NIPAL3: variants seen among roughly 807,000 people sequenced by gnomAD.
The protein encoded by NIPAL3 is NIPA-like protein 3.
NIPAL3 carries 41 observed loss-of-function variants against 47.2 expected under a neutral mutation model. The observed-to-expected ratio is 0.87, with a 90% CI of 0.68 to 1.13. The LOEUF (loss-of-function observed/expected upper bound fraction) is 1.13, where lower values mean the gene tolerates loss of function less well. NIPAL3 is among the 50% of genes most tolerant of loss of function. NIPAL3 has a pLI of 0.00. For synonymous variants in NIPAL3, 194 were observed against 209.6 expected, an observed-to-expected ratio of 0.93 and a Z score of 0.64; for missense variants, 449 against 530.1, an observed-to-expected ratio of 0.85 and a Z score of 1.50.
chr1:24,468,993 G>T lies in NIPAL3; in HGVS notation c.1029G>T (p.Gln343His), dbSNP rs1380101043. The change falls in exon 12 of 12, where the codon CAG becomes CAT. Residue 343 changes from glutamine to histidine, a missense_variant. Gln to His is a conservative substitution (Grantham distance 24). Coordinates refer to ENST00000374399, the MANE Select transcript of NIPAL3 (RefSeq NM_020448.5). ...YISMDAMPGM[Q>H]NMHDKGMTVQ... Reference sequence around the variant, plus strand: ...AAATGGATTTCATTTCAGGTATGCAGAACATGCACGATAAAGGGATGACTG... The same window carrying T: ...AAATGGATTTCATTTCAGGTATGCATAACATGCACGATAAAGGGATGACTG... 6.2e-7 allele frequency: 1 copy of T among 1,614,140 alleles called. No individual in the cohort carries two copies. The highest frequency in any genetic ancestry group is 1.1e-5 in the South Asian group (1 of 91,068).
At chr1:24,459,970 C>T (rs1184108305) in intron 9 of NIPAL3, among the ~76,000 whole-genome samples, 4 of 152,190 alleles carry the variant, frequency 2.6e-5, no homozygotes, top group African/African-American at 7.2e-5. Flanking sequence ...CACTCCCATA[C>T]CACAGGAGTA....
chr1:24,442,367 C>A, intron 4 of NIPAL3, 141 bp downstream of exon 4: 1 of 821,514 alleles, frequency 1.2e-6, no homozygotes, highest in Non-Finnish European at 1.8e-6. Context: ...GCTTCAGACA[C>A]ACCAGGCCCT....
In NIPAL3 at chr1:24,454,114, C is replaced by T. The variant is rs1219439879; in HGVS notation, c.637+610C>T. ...CAATCTTAGCTCTCTGCAGCCTTGA[C>T]CTCCTGGCCTCAAGTGATCCCCCTG... On this transcript the variant is annotated intron_variant, in intron 7 of 11. Transcript: ENST00000374399. The surrounding 1 kb of genome is among the most constrained non-coding windows in gnomAD (Gnocchi z 4.1). The T allele has an allele frequency of 8.9e-7, 1 of 1,121,204 alleles. No homozygotes were observed. Among genetic ancestry groups the T allele is most frequent in the Middle Eastern group, 2.5e-4 (1 of 4,078 alleles). 69.5% of individuals were successfully genotyped at this position (1,121,204 alleles called of 1,614,324 possible). A position where few individuals can be genotyped will look rare whatever the true frequency, so the allele number is the denominator to read the frequency against.
chr1:24,431,337 A>G (rs932916470), intron 2 of NIPAL3, among the ~76,000 whole-genome samples: 1 of 152,208 alleles, frequency 6.6e-6, no homozygotes, highest in African/African-American at 2.4e-5. Flanking sequence ...TCAAACGGGA[A>G]AAAACTGCCG....
In NIPAL3 at chr1:24,451,022, C is replaced by G. The variant is rs1178532841; in HGVS notation, c.540+1396C>G. Among the ~76,000 whole-genome samples the G allele has an allele frequency of 6.6e-6, 1 of 152,248 alleles. No individual in the cohort carries two copies. The highest frequency in any genetic ancestry group is 1.5e-5 in the Non-Finnish European group (1 of 68,042). On this transcript the variant is annotated intron_variant, in intron 6 of 11. Coordinates refer to ENST00000374399, the MANE Select transcript of NIPAL3 (RefSeq NM_020448.5). This position sits in a 1 kb window ranked among gnomAD's most constrained non-coding sequence, Gnocchi z 4.5. ...CTCAGAGGATTGAAGCCCAAGACTTCCTAAGTGCTGTGTGGCCTTAGCCAA... is the reference window on the plus strand; with the variant it reads ...CTCAGAGGATTGAAGCCCAAGACTTGCTAAGTGCTGTGTGGCCTTAGCCAA...
chr1:24,454,075 G>A lies in NIPAL3; in HGVS notation c.637+571G>A. On this transcript the variant is annotated intron_variant, in intron 7 of 11. Coordinates refer to ENST00000374399, the MANE Select transcript of NIPAL3 (RefSeq NM_020448.5). This position sits in a 1 kb window ranked among gnomAD's most constrained non-coding sequence, Gnocchi z 4.1. The stretch of plus-strand genomic sequence containing the variant: ...ACAGTCTTGCTCTGTCACCCAGGCT[G>A]GAGTGCAGTGGTACAATCTTAGCTC... The A allele has an allele frequency of 1.5e-6, 1 of 660,036 alleles. No individual in the cohort carries two copies. Among genetic ancestry groups the A allele is most frequent in the South Asian group, 1.5e-5 (1 of 67,214 alleles). The allele number at this position is 660,036 out of a possible 1,614,324, so 40.9% of individuals were successfully genotyped here. A position where few individuals can be genotyped will look rare whatever the true frequency, so the allele number is the denominator to read the frequency against.
upstream of NIPAL3, chr1:24,415,382 T>G (rs559487095): frequency 1.3e-5 from 2 of 152,142 alleles, no homozygotes; most frequent in South Asian, 4.2e-4. Flanking sequence ...GAATACTTGG[T>G]GAGAGCGTCG....
rs759231532 is a variant in NIPAL3 at position 24,471,797 on chromosome 1, G to C, written c.*2612G>C. On this transcript the variant is annotated 3_prime_UTR_variant, in exon 12 of 12. Transcript: ENST00000374399. Reference sequence around the variant, plus strand: ...TAAGTTACCTTCTCCGAGCCTGCAAGAACAAAAAACAAAAAGCAGAAATTA... The same window carrying C: ...TAAGTTACCTTCTCCGAGCCTGCAACAACAAAAAACAAAAAGCAGAAATTA... The C allele has an allele frequency of 1.3e-5, 2 of 151,924 alleles. No individual in the cohort carries two copies. Among genetic ancestry groups the C allele is most frequent in the Non-Finnish European group, 1.5e-5 (1 of 67,990 alleles). 9.4% of individuals were successfully genotyped at this position (151,924 alleles called of 1,614,324 possible). A position where few individuals can be genotyped will look rare whatever the true frequency, so the allele number is the denominator to read the frequency against.
At chr1:24,437,618 C>T (rs995722221) in intron 2 of NIPAL3, among the ~76,000 whole-genome samples, 1 of 150,232 alleles carries the variant, frequency 6.7e-6, no homozygotes, top group Admixed American at 6.6e-5. Flanking sequence ...AGGATGGCCC[C>T]AGGGTCCTGA....
intron 10 of NIPAL3, among the ~76,000 whole-genome samples, chr1:24,461,625 G>T (rs1646476522): frequency 6.6e-6 from 1 of 151,868 alleles, no homozygotes; most frequent in Non-Finnish European, 1.5e-5. Flanking sequence ...CCAGCACTTT[G>T]GGAGGCTGAG....
intron 2 of NIPAL3, among the ~76,000 whole-genome samples, chr1:24,439,741 G>T (rs183737718): frequency 1.0e-3 from 158 of 152,316 alleles, no homozygotes; most frequent in African/African-American, 3.7e-3. Context: ...AATGCCCTAA[G>T]CAAGTGAGCC....
At chr1:24,446,437 C>T (rs1314743607) in intron 5 of NIPAL3, among the ~76,000 whole-genome samples, 1 of 151,906 alleles carries the variant, frequency 6.6e-6, no homozygotes, top group Non-Finnish European at 1.5e-5. Flanking sequence ...AACCCCCACC[C>T]TCCAACAAGC....
chr1:24,457,124 C>T (rs1055010267), intron 8 of NIPAL3, among the ~76,000 whole-genome samples: 22 of 152,110 alleles, frequency 1.4e-4, no homozygotes, highest in African/African-American at 9.7e-5. Context: ...GGCAGATGAT[C>T]GTCTCAGGGG....
intron 11 of NIPAL3, among the ~76,000 whole-genome samples, chr1:24,467,103 T>G (rs1303591317): frequency 6.6e-6 from 1 of 152,166 alleles, no homozygotes; most frequent in Non-Finnish European, 1.5e-5. Flanking sequence ...GTAGTTCATC[T>G]CTGTCATAGG....
rs375173298 is a variant in NIPAL3 at position 24,469,160 on chromosome 1, T to C, written c.1196T>C (p.Val399Ala). The change falls in exon 12 of 12, where the codon GTC (valine) becomes GCC (alanine). Residue 399 changes from valine to alanine, a missense_variant. Coordinates refer to ENST00000374399, the MANE Select transcript of NIPAL3 (RefSeq NM_020448.5). ...SRSASGVPYR[V>A]LEHTKKE ...AGTGCCTCTGGGGTCCCCTACCGAGTCCTAGAGCACACCAAGAAGGAATGA... is the reference window on the plus strand; with the variant it reads ...AGTGCCTCTGGGGTCCCCTACCGAGCCCTAGAGCACACCAAGAAGGAATGA... The C allele has an allele frequency of 6.2e-6, 10 of 1,613,814 alleles. No individual in the cohort carries two copies. The African/African-American group carries it at 9.3e-5, about 15-fold the overall frequency.
At chr1:24,464,569 T>C (rs1432894900) in intron 11 of NIPAL3, 5 of 152,730 alleles carry the variant, frequency 3.3e-5, no homozygotes, top group African/African-American at 1.2e-4. Flanking sequence ...TAAGGATTCA[T>C]ACCGAGAAAC....
chr1:24,437,438 C>G (rs1360265059), intron 2 of NIPAL3, among the ~76,000 whole-genome samples: 3 of 152,096 alleles, frequency 2.0e-5, no homozygotes, highest in African/African-American at 7.2e-5. Flanking sequence ...AAGAAAAAAC[C>G]TCGCTCATGT....
chr1:24,464,703 C>G (rs1013224001), intron 11 of NIPAL3: 1 of 152,180 alleles, frequency 6.6e-6, no homozygotes, highest in Non-Finnish European at 1.5e-5. Flanking sequence ...TAAAGGAATT[C>G]GGATTAGAAA....
At chr1:24,422,262 T>G (rs1035752086) in intron 2 of NIPAL3, among the ~76,000 whole-genome samples, 4 of 152,208 alleles carry the variant, frequency 2.6e-5, no homozygotes, top group Non-Finnish European at 4.4e-5. Context: ...ATGCAGCTAC[T>G]GTATTCATCT....
Sources: allele counts gnomAD v4.1 joint callset (sites outside exome capture counted in the v4.1 genomes callset), GRCh38; gene constraint gnomAD v4.1.1; non-coding constraint Gnocchi (gnomAD v3.1); transcripts MANE v1.5; gene names NCBI Gene and HGNC (gene_info 2026-07-23, HGNC 2026-07-21).